Variants in AGBL4 observed in about 807,000 individuals in gnomAD.
The protein encoded by AGBL4 is cytosolic carboxypeptidase 6.
Under a neutral mutation model 66.4 loss-of-function variants are expected in AGBL4, and 58 were observed. The ratio of observed to expected loss-of-function variants is 0.87; its 90% CI spans 0.71 to 1.09. AGBL4 has a LOEUF of 1.09. Among genes scored for constraint, AGBL4 ranks in the 50% least tolerant of loss-of-function variants. The pLI, the probability that AGBL4 is intolerant of heterozygous loss-of-function variation, is 0.00. For synonymous variants in AGBL4, 234 were observed against 222.9 expected (o/e 1.05, Z -0.44); for missense variants, 579 against 631.0 (o/e 0.92, Z 0.88).
At chr1:49,209,597 G>A (rs1648506967) in intron 4 of AGBL4, among the ~76,000 whole-genome samples, 1 of 152,102 alleles carries the variant, frequency 6.6e-6, no homozygotes, top group African/African-American at 2.4e-5. Context: ...GACAAACAAT[G>A]GTGAAGGCTT....
At chr1:49,867,490 T>TC (rs1011153974) in intron 1 of AGBL4, among the ~76,000 whole-genome samples, 1 of 79,258 alleles carries the variant, frequency 1.3e-5, no homozygotes, top group Admixed American at 1.7e-4. Context: ...CCCTTCCCCC[T>TC]CCCCCCACCC....
At chr1:49,973,756 A>G (rs1653316661) in intron 1 of AGBL4, among the ~76,000 whole-genome samples, 1 of 150,070 alleles carries the variant, frequency 6.7e-6, no homozygotes, top group Admixed American at 6.7e-5. Flanking sequence ...AATCATTTAC[A>G]TTTATATCTT....
intron 3 of AGBL4, among the ~76,000 whole-genome samples, chr1:49,473,888 A>G (rs1343034851): frequency 6.6e-6 from 1 of 152,072 alleles, no homozygotes; most frequent in Non-Finnish European, 1.5e-5. Context: ...TGAATAGGGT[A>G]TCCTTTCCCA....
intron 3 of AGBL4, among the ~76,000 whole-genome samples, chr1:49,358,330 A>C (rs1644062638): frequency 6.6e-6 from 1 of 152,090 alleles, no homozygotes; most frequent in South Asian, 2.1e-4. Flanking sequence ...TAAAGATTAG[A>C]TATAGATTGA....
intron 5 of AGBL4, among the ~76,000 whole-genome samples, chr1:48,958,678 G>C (rs1657701695): frequency 6.6e-6 from 1 of 152,206 alleles, no homozygotes; most frequent in Non-Finnish European, 1.5e-5. Context: ...ACCTGGGACT[G>C]GCCAGGGCTG....
intron 1 of AGBL4, among the ~76,000 whole-genome samples, chr1:49,916,627 C>T (rs1482719161): frequency 4.6e-5 from 7 of 152,212 alleles, no homozygotes; most frequent in Non-Finnish European, 1.0e-4. Context: ...CTGAAAGTGA[C>T]GGGGAGAATG....
intron 3 of AGBL4, among the ~76,000 whole-genome samples, chr1:49,406,318 A>C (rs1645196157): frequency 6.6e-6 from 1 of 152,212 alleles, no homozygotes; most frequent in South Asian, 2.1e-4. Flanking sequence ...CTGCTACTCC[A>C]ATTATCCCAT....
chr1:48,562,695 A>C (rs185802246), intron 11 of AGBL4, among the ~76,000 whole-genome samples: 1 of 152,336 alleles, frequency 6.6e-6, no homozygotes, highest in Non-Finnish European at 1.5e-5. Flanking sequence ...ATTCTTCACC[A>C]ATATGTAACT....
At chr1:48,588,960 C>A (rs1167473425) in intron 10 of AGBL4, among the ~76,000 whole-genome samples, 1 of 152,132 alleles carries the variant, frequency 6.6e-6, no homozygotes, top group East Asian at 1.9e-4. Flanking sequence ...AGAAATAAGG[C>A]TGTCAGACTG....
intron 5 of AGBL4, among the ~76,000 whole-genome samples, chr1:48,895,128 T>C (rs1171182657): frequency 6.6e-6 from 1 of 152,232 alleles, no homozygotes; most frequent in Non-Finnish European, 1.5e-5. Context: ...TCTAATAATA[T>C]CCCACCATTT....
chr1:49,824,284 A>C (rs894602074), intron 2 of AGBL4, among the ~76,000 whole-genome samples: 1 of 152,170 alleles, frequency 6.6e-6, no homozygotes, highest in Non-Finnish European at 1.5e-5. Flanking sequence ...ACTGAGAGTC[A>C]AAATAAAGAT....
chr1:49,814,741 A>G (rs1645190047), intron 2 of AGBL4, among the ~76,000 whole-genome samples: 2 of 152,178 alleles, frequency 1.3e-5, no homozygotes, highest in African/African-American at 4.8e-5. Context: ...ACAGATATAA[A>G]ATCATTGAAG....
At chr1:49,325,046 G>C (rs181658463) in intron 3 of AGBL4, among the ~76,000 whole-genome samples, 1 of 151,590 alleles carries the variant, frequency 6.6e-6, no homozygotes, top group Admixed American at 6.6e-5. Flanking sequence ...TTTTTGAGAC[G>C]GAGTCTCGCT....
At chr1:49,676,775 C>T (rs1421435614) in intron 3 of AGBL4, among the ~76,000 whole-genome samples, 1 of 152,006 alleles carries the variant, frequency 6.6e-6, no homozygotes, top group African/African-American at 2.4e-5. Flanking sequence ...TTATTAGTCA[C>T]ATTTTGTACA....
At chr1:49,979,736 G>A (rs1658905346) in intron 1 of AGBL4, among the ~76,000 whole-genome samples, 1 of 152,124 alleles carries the variant, frequency 6.6e-6, no homozygotes, top group African/African-American at 2.4e-5. Context: ...TTAAAAAATA[G>A]TCTTTCTTCG....
chr1:49,100,615 T>A (rs1645184091), intron 4 of AGBL4, among the ~76,000 whole-genome samples: 1 of 152,088 alleles, frequency 6.6e-6, no homozygotes, highest in East Asian at 1.9e-4. Flanking sequence ...GCAGCAAGGA[T>A]CCTGAAGGCT....
intron 11 of AGBL4, among the ~76,000 whole-genome samples, chr1:48,572,170 C>A (rs1047647248): frequency 6.6e-6 from 1 of 151,970 alleles, no homozygotes; most frequent in South Asian, 2.1e-4. Flanking sequence ...CAGGGACTAC[C>A]GAGCCCCTGC....
chr1:48,950,438 A>AT (rs1450846111), intron 5 of AGBL4, among the ~76,000 whole-genome samples: 5 of 152,164 alleles, frequency 3.3e-5, no homozygotes, highest in African/African-American at 1.2e-4. Flanking sequence ...ACGTAGGGAG[A>AT]TTAAGTAACT....
At chr1:48,913,449 C>T (rs531573301) in intron 5 of AGBL4, among the ~76,000 whole-genome samples, 1 of 152,266 alleles carries the variant, frequency 6.6e-6, no homozygotes, top group South Asian at 2.1e-4. Flanking sequence ...GTATTTACAG[C>T]CCCTCCTCAT....
Sources: gnomAD v4.1 joint callset for allele counts (sites outside exome capture counted in the v4.1 genomes callset) on GRCh38, gnomAD v4.1.1 for gene constraint, MANE v1.5 for transcripts, NCBI Gene and HGNC (gene_info 2026-07-23, HGNC 2026-07-21) for gene names.